Variants in FOXP2 observed in about 807,000 individuals in gnomAD.
FOXP2 encodes forkhead box P2.
In FOXP2, 12 loss-of-function variants were observed where a neutral mutation model predicts 115.8. The observed-to-expected ratio is 0.10, with a 90% CI of 0.07 to 0.17. The LOEUF is 0.17. FOXP2 is among the 10% of genes least tolerant of loss of function. FOXP2 has a pLI of 1.00. For synonymous variants in FOXP2, 328 were observed against 297.7 expected (o/e 1.10, Z -1.05); for missense variants, 629 against 843.5 (o/e 0.75, Z 3.15).
intron 1 of FOXP2, among the ~76,000 whole-genome samples, chr7:114,227,790 A>G (rs529895252): frequency 6.6e-6 from 1 of 152,144 alleles, no homozygotes; most frequent in African/African-American, 2.4e-5. Flanking sequence ...ATTTTAAACT[A>G]GACATGAAGC....
In FOXP2 at chr7:114,691,277, A is replaced by G. The variant is rs760882782; in HGVS notation, c.*1351A>G. On this transcript the variant is annotated 3_prime_UTR_variant, in exon 17 of 17. Transcript: ENST00000350908. ...TAGTCTTAAGTTATAATGAAAAAAC[A>G]AAAAGTAGGAACCAAACATAAAAGG... 2.2e-6 allele frequency: 1 copy of G among 451,444 alleles called. No homozygotes were observed. 28.0% of individuals were successfully genotyped at this position (451,444 alleles called of 1,614,324 possible). A position where few individuals can be genotyped will look rare whatever the true frequency, so the allele number is the denominator to read the frequency against.
chr7:114,513,903 G>A (rs969227451), intron 2 of FOXP2, among the ~76,000 whole-genome samples: 1 of 151,918 alleles, frequency 6.6e-6, no homozygotes, highest in Middle Eastern at 3.2e-3. Flanking sequence ...CTATTTTAAA[G>A]CAAAATAGGG....
At position 114,397,671 on chromosome 7, in the gene FOXP2, A is replaced by G. The variant is rs544284797; in HGVS notation, c.-10-28831A>G. Among the ~76,000 whole-genome samples, 4 of 152,302 alleles carry G rather than the reference A, an allele frequency of 2.6e-5. No homozygotes were observed. In the East Asian group the frequency reaches 7.7e-4, roughly 29 times the overall value. On this transcript the variant is annotated intron_variant, in intron 2 of 17. Transcript: ENST00000634411. ...AGGACACAAGATAAAGAAAGGGAAG[A>G]ATGATAATGAGATGAGGCTGAAGAG...
At chr7:114,161,282 A>G (rs530694531), upstream of FOXP2, among the ~76,000 whole-genome samples, 2 of 152,212 alleles carry the variant, frequency 1.3e-5, no homozygotes, top group Non-Finnish European at 2.9e-5. Flanking sequence ...TTCAGTGGAT[A>G]TAGCTTTAAT....
At chr7:114,621,891 A>G (rs1022399689) in intron 3 of FOXP2, among the ~76,000 whole-genome samples, 2 of 152,066 alleles carry the variant, frequency 1.3e-5, no homozygotes, top group African/African-American at 4.8e-5. Context: ...AGACCTAAAC[A>G]TAATGTACAT....
chr7:114,129,429 T>C (rs891921811), intron 1 of FOXP2, among the ~76,000 whole-genome samples: 1 of 152,202 alleles, frequency 6.6e-6, no homozygotes, highest in East Asian at 1.9e-4. Context: ...ATAGTGCAAA[T>C]AGTCTGTTAG....
chr7:114,639,452 A>G (rs1289442726), intron 6 of FOXP2, among the ~76,000 whole-genome samples: 2 of 152,130 alleles, frequency 1.3e-5, no homozygotes, highest in African/African-American at 4.8e-5. Flanking sequence ...GTTGTATTAG[A>G]AGGAGACTGG....
chr7:114,573,435 C>A (rs1814155841), intron 3 of FOXP2, among the ~76,000 whole-genome samples: 1 of 151,754 alleles, frequency 6.6e-6, no homozygotes, highest in Admixed American at 6.6e-5. Flanking sequence ...GTCTGGAACA[C>A]CGTAAGAGTA....
chr7:114,096,687 G>A (rs903399397), intron 1 of FOXP2, among the ~76,000 whole-genome samples: 1 of 151,992 alleles, frequency 6.6e-6, no homozygotes, highest in African/African-American at 2.4e-5. Flanking sequence ...TTATATTAAA[G>A]GAACATCATT....
intron 2 of FOXP2, among the ~76,000 whole-genome samples, chr7:114,430,540 C>T (rs1219054211): frequency 1.3e-5 from 2 of 151,804 alleles, no homozygotes; most frequent in African/African-American, 2.4e-5. Flanking sequence ...AAGTTTACAA[C>T]GATATAGGAA....
chr7:114,231,813 A>AT (rs1306053335), intron 1 of FOXP2, among the ~76,000 whole-genome samples: 2 of 152,204 alleles, frequency 1.3e-5, no homozygotes, highest in Non-Finnish European at 2.9e-5. Context: ...CTTGGCAATT[A>AT]TTTTTTGGAT....
At position 114,176,218 on chromosome 7, in the gene FOXP2, TG is replaced by T. The variant is rs1439175815; in HGVS notation, c.-102+13131del. 1.9e-3 allele frequency among the ~76,000 whole-genome samples: 288 copies of T among 150,760 alleles called. 1 individual carries two copies. The highest frequency in any genetic ancestry group is 6.7e-3 in the African/African-American group (272 of 40,304). On this transcript the variant is annotated intron_variant, in intron 1 of 17. Coordinates refer to the FOXP2 transcript ENST00000634411. Reference sequence around the variant, plus strand: ...TGTCTTGTCTTGTCTTGTCTTGTCTTGTCTTGTCTTGTCTTTTCTTTCTTTC... The same window carrying T: ...TGTCTTGTCTTGTCTTGTCTTGTCTTTCTTGTCTTGTCTTTTCTTTCTTTC...
chr7:114,097,531 T>G (rs1177096307), intron 1 of FOXP2, among the ~76,000 whole-genome samples: 1 of 152,226 alleles, frequency 6.6e-6, no homozygotes, highest in Non-Finnish European at 1.5e-5. Context: ...TTCATTCAAG[T>G]AAGTTTTTAT....
At chr7:114,437,152 G>A (rs1475300065) in intron 2 of FOXP2, among the ~76,000 whole-genome samples, 2 of 152,100 alleles carry the variant, frequency 1.3e-5, no homozygotes, top group Non-Finnish European at 2.9e-5. Context: ...GTGGACTGAG[G>A]TATTTTATTG....
At chr7:114,659,052 G>A (rs1438356155) in intron 11 of FOXP2, among the ~76,000 whole-genome samples, 1 of 152,096 alleles carries the variant, frequency 6.6e-6, no homozygotes, top group Non-Finnish European at 1.5e-5. Flanking sequence ...GGGGGCAAAA[G>A]TCCATGTAAG....
intron 1 of FOXP2, among the ~76,000 whole-genome samples, chr7:114,175,377 A>G (rs1429220028): frequency 6.6e-6 from 1 of 152,156 alleles, no homozygotes; most frequent in Non-Finnish European, 1.5e-5. Context: ...AACTCGACTC[A>G]TACCATGATT....
intron 7 of FOXP2, among the ~76,000 whole-genome samples, chr7:114,643,161 A>T (rs1325025935): frequency 6.6e-6 from 1 of 151,962 alleles, no homozygotes; most frequent in Non-Finnish European, 1.5e-5. Context: ...AGTTTGATGG[A>T]TGTAGTTTGG....
chr7:114,184,167 T>A (rs979999691), intron 1 of FOXP2, among the ~76,000 whole-genome samples: 2 of 152,298 alleles, frequency 1.3e-5, no homozygotes, highest in East Asian at 3.9e-4. Flanking sequence ...ATTTTAGGAC[T>A]CTTTATTAAG....
chr7:114,331,051 CATG>C (rs1338657184), intron 2 of FOXP2, among the ~76,000 whole-genome samples: 2 of 152,114 alleles, frequency 1.3e-5, no homozygotes, highest in African/African-American at 4.8e-5. Flanking sequence ...AAGTGAAGTC[CATG>C]ATGAAGTTTC....
Sources: gnomAD v4.1 joint callset for allele counts (sites outside exome capture counted in the v4.1 genomes callset) on GRCh38, gnomAD v4.1.1 for gene constraint, MANE v1.5 for transcripts, NCBI Gene and HGNC (gene_info 2026-07-23, HGNC 2026-07-21) for gene names.